The following SOCS5 variants were observed in gnomAD, a reference collection of about 807,000 sequenced individuals.
The protein encoded by SOCS5 is CIS-6.
Under a neutral mutation model 42.8 loss-of-function variants are expected in SOCS5, and 32 were observed. That is an observed-to-expected ratio of 0.75 (90% CI 0.56 to 1.01). The LOEUF (loss-of-function observed/expected upper bound fraction) is 1.01, where lower values mean the gene tolerates loss of function less well. Among genes scored for constraint, SOCS5 ranks in the 50% least tolerant of loss-of-function variants. The pLI is 0.00. For synonymous variants in SOCS5, 283 were observed against 229.6 expected, an observed-to-expected ratio of 1.23 and a Z score of -2.10; for missense variants, 627 against 653.0, an observed-to-expected ratio of 0.96 and a Z score of 0.43.
intron 1 of SOCS5, among the ~76,000 whole-genome samples, chr2:46,735,392 G>A (rs1468509822): frequency 6.6e-6 from 1 of 152,140 alleles, no homozygotes; most frequent in Non-Finnish European, 1.5e-5. Context: ...GTATCTGGTT[G>A]CATCTCATTG....
chr2:46,725,800 A>T (rs1672978526), intron 1 of SOCS5, among the ~76,000 whole-genome samples: 1 of 151,944 alleles, frequency 6.6e-6, no homozygotes, highest in African/African-American at 2.4e-5. Context: ...TTCAGAGTGG[A>T]TCTGCTGGTA....
At chr2:46,704,210 C>G (rs986030587) in intron 1 of SOCS5, among the ~76,000 whole-genome samples, 3 of 152,116 alleles carry the variant, frequency 2.0e-5, no homozygotes, top group African/African-American at 7.2e-5. Context: ...CTTATGTGCT[C>G]TGGGATTGTC....
At chr2:46,724,865 G>A (rs765495895) in intron 1 of SOCS5, among the ~76,000 whole-genome samples, 1 of 151,868 alleles carries the variant, frequency 6.6e-6, no homozygotes, top group Non-Finnish European at 1.5e-5. Flanking sequence ...ATGTTTTGTA[G>A]ATGTCAACTA....
At chr2:46,706,974 T>C (rs1422398735) in intron 1 of SOCS5, among the ~76,000 whole-genome samples, 1 of 152,232 alleles carries the variant, frequency 6.6e-6, no homozygotes, top group African/African-American at 2.4e-5. Context: ...CGTGAGTAAG[T>C]ATATGTAAAA....
chr2:46,739,219 C>G (rs566965195), intron 1 of SOCS5, among the ~76,000 whole-genome samples: 1 of 152,114 alleles, frequency 6.6e-6, no homozygotes, highest in East Asian at 1.9e-4. Context: ...AAAAACTTGG[C>G]AGAAGACTAT....
At chr2:46,705,132 T>A (rs1323589380) in intron 1 of SOCS5, among the ~76,000 whole-genome samples, 1 of 152,230 alleles carries the variant, frequency 6.6e-6, no homozygotes, top group Non-Finnish European at 1.5e-5. Flanking sequence ...GCAAAAGTGT[T>A]TTAAAACACT....
rs1673726996 is a variant in SOCS5, at chr2:46,756,227, C to T, written c.-12-2292C>T. Among the ~76,000 whole-genome samples, 5 of 152,108 alleles carry T rather than the reference C, an allele frequency of 3.3e-5. No homozygotes were observed. In the South Asian group the frequency reaches 1.0e-3, roughly 31 times the overall value. On this transcript the variant is annotated intron_variant, in intron 1 of 1. Coordinates refer to ENST00000394861, the MANE Select transcript of SOCS5 (RefSeq NM_144949.3). ...TCAGAGAAGTATCTTTAGATAGCTA[C>T]AAAATTTATAAACACGGAGAAGAGA...
intron 1 of SOCS5, among the ~76,000 whole-genome samples, chr2:46,732,758 C>G (rs962253156): frequency 6.6e-6 from 1 of 152,148 alleles, no homozygotes; most frequent in Non-Finnish European, 1.5e-5. Context: ...AGGCTTGACC[C>G]CTTTGAGAAT....
rs1673796931 is a variant in SOCS5 at position 46,759,033 on chromosome 2, C to G, written c.503C>G (p.Ser168Cys). Residue 168 changes from serine to cysteine, a missense_variant, in exon 2 of 2, where the codon TCC (serine) becomes TGC (cysteine). Ser to Cys is a moderately radical substitution (Grantham distance 112). Coordinates refer to ENST00000394861, the MANE Select transcript of SOCS5 (RefSeq NM_144949.3). Reference protein sequence around the residue: ...VSSVHDMDSVSSRTVGSRSLR... With the variant: ...VSSVHDMDSVCSRTVGSRSLR... ...TCTGTACACGACATGGACAGTGTTT[C>G]CAGCAGAACTGTAGGAAGTCGCTCT... is the stretch of plus-strand genomic sequence containing the variant. 2 of 1,613,950 alleles carry G rather than the reference C, an allele frequency of 1.2e-6. No homozygotes were observed. Among genetic ancestry groups the G allele is most frequent in the East Asian group, 4.5e-5 (2 of 44,880 alleles).
At chr2:46,726,701 C>T (rs1195869406) in intron 1 of SOCS5, among the ~76,000 whole-genome samples, 2 of 151,476 alleles carry the variant, frequency 1.3e-5, no homozygotes, top group African/African-American at 4.9e-5. Flanking sequence ...TAAGCCCATC[C>T]AGTGATTAAT....
chr2:46,721,775 G>A (rs867975349), intron 1 of SOCS5, among the ~76,000 whole-genome samples: 1 of 152,160 alleles, frequency 6.6e-6, no homozygotes, highest in Middle Eastern at 3.4e-3. Flanking sequence ...TTTGCTGTGG[G>A]TTTATCTTGG....
intron 1 of SOCS5, among the ~76,000 whole-genome samples, chr2:46,712,369 A>C (rs1326449103): frequency 8.6e-6 from 1 of 115,972 alleles, no homozygotes; most frequent in African/African-American, 3.5e-5. Flanking sequence ...TTTGAGACAC[A>C]GTCTCGCTCT....
In SOCS5 at chr2:46,758,824, T is replaced by C; in HGVS notation, c.294T>C (p.Asn98=). 6.2e-7 allele frequency: 1 copy of C among 1,614,162 alleles called. No individual in the cohort carries two copies. Among genetic ancestry groups the C allele is most frequent in the Non-Finnish European group, 8.5e-7 (1 of 1,179,984 alleles). Residue 98 remains asparagine (N), a synonymous_variant, in exon 2 of 2, where the codon AAT becomes AAC. Coordinates refer to ENST00000394861, the MANE Select transcript of SOCS5 (RefSeq NM_144949.3). ...TTGAAATAAGCATCGAAAAGGATAATGATTCTTGTGTTACCCCAGGAACAA... is the reference window on the plus strand; with the variant it reads ...TTGAAATAAGCATCGAAAAGGATAACGATTCTTGTGTTACCCCAGGAACAA... ...QIVEISIEKD[N]DSCVTPGTRL... is the part of the protein sequence containing the mutation.
chr2:46,701,961 A>G (rs1202235504), intron 1 of SOCS5, among the ~76,000 whole-genome samples: 3 of 151,730 alleles, frequency 2.0e-5, no homozygotes, highest in Non-Finnish European at 2.9e-5. Flanking sequence ...GTAGAATTAC[A>G]TGATCATTAT....
At chr2:46,722,265 C>G (rs1459111399) in intron 1 of SOCS5, among the ~76,000 whole-genome samples, 1 of 151,974 alleles carries the variant, frequency 6.6e-6, no homozygotes, top group African/African-American at 2.4e-5. Flanking sequence ...TCTTCATTCT[C>G]CTGTTTCACT....
chr2:46,738,813 A>G (rs1275727851), intron 1 of SOCS5, among the ~76,000 whole-genome samples: 2 of 152,188 alleles, frequency 1.3e-5, no homozygotes, highest in African/African-American at 4.8e-5. Context: ...TAAATAGATG[A>G]AGTTCATCAA....
At position 46,759,077 on chromosome 2, in the gene SOCS5, G is replaced by C; in HGVS notation, c.547G>C (p.Asp183His). The C allele has an allele frequency of 1.3e-5, 21 of 1,613,956 alleles. No individual in the cohort carries two copies. The highest frequency in any genetic ancestry group is 1.8e-5 in the Non-Finnish European group (21 of 1,179,842). Residue 183 changes from aspartate (D) to histidine (H), a missense_variant, in exon 2 of 2, where the codon GAT becomes CAT. Around this residue, in one of 3 missense-constraint regions of SOCS5, gnomAD observed 278 missense variants for 246.3 expected, o/e 1.13. Coordinates refer to ENST00000394861, the MANE Select transcript of SOCS5 (RefSeq NM_144949.3). Reference sequence around the variant, plus strand: ...TCGCTCTCTAAGACAGAGGTTGCAGGATACTGTGGGCTTGTGTTTTCCCAT... The same window carrying C: ...TCGCTCTCTAAGACAGAGGTTGCAGCATACTGTGGGCTTGTGTTTTCCCAT... ...GSRSLRQRLQ[D>H]TVGLCFPMRT...
chr2:46,704,405 A>G (rs758320724), intron 1 of SOCS5, among the ~76,000 whole-genome samples: 4 of 152,232 alleles, frequency 2.6e-5, no homozygotes, highest in Non-Finnish European at 5.9e-5. Context: ...AATGGAAATG[A>G]TACGGGAACT....
chr2:46,707,219 A>G (rs1324738802), intron 1 of SOCS5, among the ~76,000 whole-genome samples: 1 of 152,236 alleles, frequency 6.6e-6, no homozygotes, highest in Non-Finnish European at 1.5e-5. Flanking sequence ...TATTACATCT[A>G]TAACGGAAGA....
Sources: gnomAD v4.1 joint callset for allele counts (sites outside exome capture counted in the v4.1 genomes callset) on GRCh38, gnomAD v4.1.1 for gene constraint, gnomAD v4.1.1 regional missense constraint, MANE v1.5 for transcripts, NCBI Gene and HGNC (gene_info 2026-07-23, HGNC 2026-07-21) for gene names.